AHCTF1: variants seen among roughly 807,000 people sequenced by gnomAD.
AHCTF1 encodes the protein protein ELYS.
A neutral mutation model predicts 248.4 loss-of-function variants in AHCTF1; 24 were observed. That is an observed-to-expected ratio of 0.10 (90% confidence interval 0.07 to 0.14). The LOEUF is 0.14. AHCTF1 is among the 10% of genes least tolerant of loss of function. The pLI, the probability that AHCTF1 is intolerant of heterozygous loss-of-function variation, is 1.00. For synonymous variants in AHCTF1, 786 were observed against 929.8 expected (o/e 0.85, Z 2.81); for missense variants, 2,206 against 2,636.2 (o/e 0.84, Z 3.57).
intron 24 of AHCTF1, among the ~76,000 whole-genome samples, chr1:246,870,078 T>C (rs1662469572): frequency 6.6e-6 from 1 of 152,140 alleles, no homozygotes. Context: ...TGAATAACTT[T>C]TGAGGGCTTC....
intron 7 of AHCTF1, among the ~76,000 whole-genome samples, chr1:246,902,974 A>G (rs1264694300): frequency 6.6e-6 from 1 of 152,214 alleles, no homozygotes; most frequent in Non-Finnish European, 1.5e-5. Flanking sequence ...ATATATGCAT[A>G]TATCTCAGAC....
At chr1:246,845,196 T>TA (rs1409169680) in intron 33 of AHCTF1, among the ~76,000 whole-genome samples, 3 of 152,290 alleles carry the variant, frequency 2.0e-5, no homozygotes, top group South Asian at 2.1e-4. Context: ...CATGATTCTT[T>TA]AAAAAAATGT....
rs1572490599 is a variant in AHCTF1, at chr1:246,931,795, G to A, written c.-225C>T. On this transcript the variant is annotated 5_prime_UTR_variant, in exon 1 of 36. Transcript: ENST00000648844. The stretch of plus-strand genomic sequence containing the variant: ...ACCTCAGAGCCACACGCCCCCGAGA[G>A]TGCCTTCGCGGGCTGTAGGCCTGCA... 6.6e-6 allele frequency: 1 copy of A among 152,584 alleles called. No homozygotes were observed. Among genetic ancestry groups the A allele is most frequent in the East Asian group, 1.9e-4 (1 of 5,170 alleles). The allele number at this position is 152,584 out of a possible 1,614,324, so 9.5% of individuals were successfully genotyped here.
intron 19 of AHCTF1, among the ~76,000 whole-genome samples, chr1:246,887,654 G>A (rs1456386460): frequency 2.6e-5 from 4 of 152,046 alleles, no homozygotes; most frequent in East Asian, 1.9e-4. Context: ...AAAGATATAC[G>A]CAAATTTCTA....
At chr1:246,903,142 C>T (rs1160763682) in intron 7 of AHCTF1, among the ~76,000 whole-genome samples, 9 of 152,300 alleles carry the variant, frequency 5.9e-5, no homozygotes, top group African/African-American at 2.2e-4. Context: ...TTCCCTGAAA[C>T]CCGTTTCTAT....
At chr1:246,853,369 G>C (rs1660859434) in intron 31 of AHCTF1, 70 bp from the exon 32 acceptor site, 1 of 1,291,728 alleles carries the variant, frequency 7.7e-7, no homozygotes, top group African/African-American at 1.5e-5. Context: ...GAAGCAAACA[G>C]AAAGGAAAAG....
At chr1:246,853,818 C>T (rs1168016294) in intron 31 of AHCTF1, among the ~76,000 whole-genome samples, 1 of 149,398 alleles carries the variant, frequency 6.7e-6, no homozygotes, top group Admixed American at 6.6e-5. Context: ...AAAAGATGAA[C>T]TAGGAAAAAA....
intron 12 of AHCTF1, among the ~76,000 whole-genome samples, chr1:246,897,148 T>C (rs3122533): frequency 6.6e-6 from 1 of 152,066 alleles, no homozygotes; most frequent in Non-Finnish European, 1.5e-5. Flanking sequence ...ACTCTGTCTC[T>C]ACTAAAAATA....
intron 14 of AHCTF1, among the ~76,000 whole-genome samples, chr1:246,892,576 C>T (rs1324710773): frequency 6.6e-6 from 1 of 152,048 alleles, no homozygotes. Context: ...CCGCCTCGGC[C>T]TCCCAAAGTC....
chr1:246,867,405 G>A (rs41267533), intron 25 of AHCTF1, 54 bp from the exon 26 acceptor site: 20 of 1,215,706 alleles, frequency 1.6e-5, no homozygotes, highest in Admixed American at 2.5e-5. Context: ...CTGATAACAA[G>A]TGGATGAGAT....
In AHCTF1 at chr1:246,842,618, G is replaced by C. The variant is rs1429896598; in HGVS notation, c.6608+76C>G. On this transcript the variant is annotated intron_variant, in intron 35 of 35. Coordinates refer to ENST00000648844, the MANE Select transcript of AHCTF1 (RefSeq NM_001323342.2). The stretch of plus-strand genomic sequence containing the variant: ...ATAAAAATAAAATAAAATAATAAAA[G>C]GAGGATAGTAGGGTGGGGACAGAGC... 8 of 1,050,612 alleles carry C rather than the reference G, an allele frequency of 7.6e-6. No homozygotes were observed. The East Asian group carries it at 2.2e-4, about 29-fold the overall frequency. 65.1% of individuals were successfully genotyped at this position (1,050,612 alleles called of 1,614,324 possible).
At chr1:246,903,756 T>C (rs1240125234) in intron 7 of AHCTF1, among the ~76,000 whole-genome samples, 193 bp downstream of exon 7, 1 of 150,288 alleles carries the variant, frequency 6.7e-6, no homozygotes, top group Non-Finnish European at 1.5e-5. Context: ...GAGAATTGCT[T>C]GAATCCGGGT....
chr1:246,844,423 C>T (rs1660100800), intron 33 of AHCTF1, among the ~76,000 whole-genome samples: 1 of 152,176 alleles, frequency 6.6e-6, no homozygotes, highest in Non-Finnish European at 1.5e-5. Flanking sequence ...AAGTTCATCT[C>T]CACAAAAGGA....
intron 31 of AHCTF1, among the ~76,000 whole-genome samples, chr1:246,853,867 C>T (rs1660900703): frequency 6.6e-6 from 1 of 150,548 alleles, no homozygotes; most frequent in African/African-American, 2.5e-5. Flanking sequence ...GCTATTATCC[C>T]TAACATGTGG....
chr1:246,919,816 T>C (rs1000384200), intron 1 of AHCTF1, among the ~76,000 whole-genome samples: 1 of 151,590 alleles, frequency 6.6e-6, no homozygotes, highest in African/African-American at 2.4e-5. Flanking sequence ...CAAAGAATTC[T>C]TAAAGAATTC....
chr1:246,887,104 AT>A, intron 20 of AHCTF1, 106 bp downstream of exon 20: 2 of 1,296,280 alleles, frequency 1.5e-6, no homozygotes, highest in Non-Finnish European at 2.1e-6. Context: ...TTCCTCAACT[AT>A]TTTTAGTAGA....
At chr1:246,918,948 GA>G (rs1167006837) in intron 1 of AHCTF1, among the ~76,000 whole-genome samples, 1 of 152,132 alleles carries the variant, frequency 6.6e-6, no homozygotes, top group Non-Finnish European at 1.5e-5. Flanking sequence ...GAAAGTCCAA[GA>G]AAAATGTATA....
At chr1:246,868,985 CAGG>C (rs1325883239) in intron 24 of AHCTF1, among the ~76,000 whole-genome samples, 1 of 143,002 alleles carries the variant, frequency 7.0e-6, no homozygotes, top group Non-Finnish European at 1.5e-5. Flanking sequence ...GCTGGGACTA[CAGG>C]CGCCCGCCAC....
intron 24 of AHCTF1, among the ~76,000 whole-genome samples, chr1:246,868,855 T>A (rs967996778): frequency 6.7e-6 from 1 of 149,886 alleles, no homozygotes; most frequent in African/African-American, 2.4e-5. Context: ...TGTTTTTTTT[T>A]TTTTTTTGAG....
Sources: gnomAD v4.1 joint callset for allele counts (sites outside exome capture counted in the v4.1 genomes callset) on GRCh38, gnomAD v4.1.1 for gene constraint, MANE v1.5 for transcripts, NCBI Gene and HGNC (gene_info 2026-07-23, HGNC 2026-07-21) for gene names.